Variants in SUGCT observed in about 807,000 individuals in gnomAD.
SUGCT encodes succinyl-CoA:glutarate-CoA transferase.
Under a neutral mutation model 55.0 loss-of-function variants are expected in SUGCT, and 41 were observed. That is an observed-to-expected ratio of 0.74 (90% CI 0.58 to 0.97). The LOEUF (loss-of-function observed/expected upper bound fraction) is 0.97, where lower values mean the gene tolerates loss of function less well. Ranked by LOEUF, SUGCT falls within the 50% of genes least tolerant of loss-of-function variation. SUGCT has a pLI of 0.00. For missense variants in SUGCT, 568 were observed against 547.8 expected, an observed-to-expected ratio of 1.04 and a Z score of -0.37; for synonymous variants, 187 against 200.4, an observed-to-expected ratio of 0.93 and a Z score of 0.56.
intron 8 of SUGCT, among the ~76,000 whole-genome samples, chr7:40,298,527 C>T (rs1794319425): frequency 6.6e-5 from 10 of 151,998 alleles, no homozygotes; most frequent in Admixed American, 6.6e-4. Flanking sequence ...AAGTTCATGC[C>T]CCAGGGGAAG....
chr7:40,336,871 G>C (rs1459497804), intron 9 of SUGCT, among the ~76,000 whole-genome samples: 4 of 148,684 alleles, frequency 2.7e-5, no homozygotes, highest in African/African-American at 7.7e-5. Flanking sequence ...TTCCTGCTTT[G>C]TCTTGTGGGC....
the SUGCT span, among the ~76,000 whole-genome samples, chr7:40,883,978 C>T: frequency 6.6e-6 from 1 of 152,088 alleles, no homozygotes; most frequent in African/African-American, 2.4e-5. Flanking sequence ...CAAGTTTCTT[C>T]CAGAAAGAGA....
intron 13 of SUGCT, among the ~76,000 whole-genome samples, chr7:40,798,838 A>AT (rs912143826): frequency 2.0e-4 from 31 of 152,080 alleles, no homozygotes; most frequent in African/African-American, 7.2e-4. Flanking sequence ...TTAACAGTAC[A>AT]TTTTTTTCTT....
At chr7:40,735,183 G>A (rs1181104181) in intron 12 of SUGCT, among the ~76,000 whole-genome samples, 2 of 152,126 alleles carry the variant, frequency 1.3e-5, no homozygotes, top group Non-Finnish European at 2.9e-5. Flanking sequence ...GTTTGGTTCT[G>A]GGATAACTTA....
At chr7:40,736,332 A>C (rs1247449902) in intron 12 of SUGCT, among the ~76,000 whole-genome samples, 2 of 147,878 alleles carry the variant, frequency 1.4e-5, no homozygotes, top group African/African-American at 4.9e-5. Flanking sequence ...TTATATATAC[A>C]TTTATGTGTA....
At chr7:40,848,543 T>C (rs1008859002) in intron 13 of SUGCT, among the ~76,000 whole-genome samples, 1 of 151,850 alleles carries the variant, frequency 6.6e-6, no homozygotes, top group African/African-American at 2.4e-5. Flanking sequence ...CACTGATGAC[T>C]ATCAAAGGGT....
At chr7:40,461,177 C>A (rs981892920) in intron 11 of SUGCT, among the ~76,000 whole-genome samples, 2 of 152,116 alleles carry the variant, frequency 1.3e-5, no homozygotes, top group African/African-American at 4.8e-5. Context: ...AGTTTATAAG[C>A]TTATCATTTA....
intron 12 of SUGCT, among the ~76,000 whole-genome samples, chr7:40,645,871 A>T (rs929813632): frequency 4.6e-5 from 7 of 152,290 alleles, no homozygotes; most frequent in African/African-American, 1.7e-4. Context: ...GGCAGTTCCA[A>T]TTACAACTTC....
the SUGCT span, among the ~76,000 whole-genome samples, chr7:40,941,987 A>G: frequency 6.6e-6 from 1 of 152,102 alleles, no homozygotes; most frequent in Non-Finnish European, 1.5e-5. Flanking sequence ...TTGAAGACAG[A>G]AGATATTTCG....
chr7:40,524,298 T>C (rs1338746676), intron 12 of SUGCT, among the ~76,000 whole-genome samples: 1 of 152,162 alleles, frequency 6.6e-6, no homozygotes, highest in African/African-American at 2.4e-5. Flanking sequence ...GGACATCAGA[T>C]TGTTGGCAAA....
At chr7:40,525,220 T>C (rs1426752565) in intron 12 of SUGCT, among the ~76,000 whole-genome samples, 3 of 152,156 alleles carry the variant, frequency 2.0e-5, no homozygotes, top group African/African-American at 7.2e-5. Context: ...TCACTGTTTG[T>C]CCAAAGATTT....
the SUGCT span, among the ~76,000 whole-genome samples, chr7:40,879,698 AC>A: frequency 1.3e-5 from 2 of 152,132 alleles, no homozygotes; most frequent in Non-Finnish European, 2.9e-5. Context: ...GTAAAAAATG[AC>A]CCCCAAATTC....
intron 12 of SUGCT, among the ~76,000 whole-genome samples, chr7:40,698,469 G>C (rs746365415): frequency 2.6e-5 from 4 of 152,212 alleles, no homozygotes; most frequent in African/African-American, 4.8e-5. Flanking sequence ...TCAGGATGCT[G>C]TCTCCCTTAG....
At chr7:40,768,779 G>A (rs1788937804) in intron 13 of SUGCT, among the ~76,000 whole-genome samples, 1 of 152,140 alleles carries the variant, frequency 6.6e-6, no homozygotes, top group Non-Finnish European at 1.5e-5. Context: ...ATTTGTTTAT[G>A]CCATTCCTTT....
At chr7:40,319,824 A>G (rs1317814784) in intron 9 of SUGCT, among the ~76,000 whole-genome samples, 2 of 152,050 alleles carry the variant, frequency 1.3e-5, no homozygotes, top group African/African-American at 4.8e-5. Context: ...ATATTTATGT[A>G]TTTATTTATT....
At chr7:40,356,439 A>G (rs1361590972) in intron 9 of SUGCT, among the ~76,000 whole-genome samples, 22 of 152,198 alleles carry the variant, frequency 1.4e-4, no homozygotes, top group Non-Finnish European at 1.5e-5. Context: ...ACCACACCTA[A>G]GTTTATCCCT....
chr7:40,276,770 A>G (rs1176492672), intron 8 of SUGCT, among the ~76,000 whole-genome samples: 1 of 151,804 alleles, frequency 6.6e-6, no homozygotes, highest in Non-Finnish European at 1.5e-5. Context: ...ACACAGGTAT[A>G]TAGTCAATCA....
At chr7:40,787,468 GAGAAAAGTAAGAT>G (rs1211290548) in intron 13 of SUGCT, among the ~76,000 whole-genome samples, 1 of 48,270 alleles carries the variant, frequency 2.1e-5, no homozygotes, top group African/African-American at 5.6e-5. Flanking sequence ...CAAGATCTCA[GAGAAAAGTAAGAT>G]CTCAGAGAAA....
At chr7:40,432,932 A>G (rs558429182) in intron 9 of SUGCT, among the ~76,000 whole-genome samples, 1 of 151,962 alleles carries the variant, frequency 6.6e-6, no homozygotes, top group African/African-American at 2.4e-5. Context: ...GAACTTATAT[A>G]ATGTGCCTAT....
Sources: allele counts gnomAD v4.1 joint callset (sites outside exome capture counted in the v4.1 genomes callset), GRCh38; gene constraint gnomAD v4.1.1; transcripts MANE v1.5; gene names NCBI Gene and HGNC (gene_info 2026-07-23, HGNC 2026-07-21).